LMTK2: variants seen among roughly 807,000 people sequenced by gnomAD.
LMTK2 encodes serine/threonine-protein kinase LMTK2.
In LMTK2, 37 loss-of-function variants were observed where a neutral mutation model predicts 127.5. The observed-to-expected ratio is 0.29, with a 90% CI of 0.22 to 0.38. The LOEUF (loss-of-function observed/expected upper bound fraction) is 0.38, where lower values mean the gene tolerates loss of function less well. LMTK2 is among the 10% of genes least tolerant of loss of function. The probability of loss-of-function intolerance (pLI) is 1.00; values close to 1 mark genes in which losing one functional copy is unlikely to be tolerated. For synonymous variants in LMTK2, 819 were observed against 810.1 expected (o/e 1.01, Z -0.19); for missense variants, 1,694 against 1,920.3 (o/e 0.88, Z 2.20).
Position 98,196,849 on chromosome 7 carries a change from C to T in LMTK2, c.4107+2277C>T, listed in dbSNP as rs187978523. On this transcript the variant is annotated intron_variant, in intron 11 of 13. Coordinates refer to ENST00000297293, the MANE Select transcript of LMTK2 (RefSeq NM_014916.4). Reference sequence around the variant, plus strand: ...AGGAAGTTAGTGTCAAGGAGAAAGTCGGAAGGTGGGTCAGGGCCAGAAGAA... The same window carrying T: ...AGGAAGTTAGTGTCAAGGAGAAAGTTGGAAGGTGGGTCAGGGCCAGAAGAA... Among the ~76,000 whole-genome samples the T allele has an allele frequency of 3.2e-3, 486 of 152,282 alleles. 6 individuals are homozygous for T. Among genetic ancestry groups the T allele is most frequent in the African/African-American group, 0.011 (452 of 41,554 alleles).
At chr7:98,122,591 C>T (rs1445977830) in intron 1 of LMTK2, among the ~76,000 whole-genome samples, 1 of 152,110 alleles carries the variant, frequency 6.6e-6, no homozygotes, top group Non-Finnish European at 1.5e-5. Flanking sequence ...TGCAGCATCC[C>T]TCACTTATGT....
chr7:98,151,968 A>G (rs1446747601), intron 4 of LMTK2, among the ~76,000 whole-genome samples: 1 of 152,184 alleles, frequency 6.6e-6, no homozygotes, highest in African/African-American at 2.4e-5. Context: ...CATTTCGATC[A>G]TAACAAAGGC....
At chr7:98,138,170 G>A (rs1050304895) in intron 2 of LMTK2, among the ~76,000 whole-genome samples, 1 of 152,110 alleles carries the variant, frequency 6.6e-6, no homozygotes, top group African/African-American at 2.4e-5. Flanking sequence ...AGGAATACAT[G>A]GGGGGGAGAA....
At chr7:98,176,962 C>G (rs1797287490) in intron 7 of LMTK2, among the ~76,000 whole-genome samples, 1 of 152,128 alleles carries the variant, frequency 6.6e-6, no homozygotes, top group African/African-American at 2.4e-5. Context: ...CAGGCACAGA[C>G]AGGTATACTG....
chr7:98,107,261 A>G lies in LMTK2; in HGVS notation c.84A>G (p.Pro28=), dbSNP rs749111298. The G allele has an allele frequency of 2.0e-5, 29 of 1,427,638 alleles. No individual in the cohort carries two copies. The South Asian group carries it at 2.8e-4, about 14-fold the overall frequency. The allele number at this position is 1,427,638 out of a possible 1,614,324, so 88.4% of individuals were successfully genotyped here. A position where few individuals can be genotyped will look rare whatever the true frequency, so the allele number is the denominator to read the frequency against. The part of the protein sequence containing the change: ...LLIAGSAGAA[P]LPQTGAGEAP... ...TCGCCGGCAGTGCTGGGGCCGCGCCACTTCCGCAAACAGGTGCAGGTGAGC... is the reference window on the plus strand; with the variant it reads ...TCGCCGGCAGTGCTGGGGCCGCGCCGCTTCCGCAAACAGGTGCAGGTGAGC... The change falls in exon 1 of 14, where the codon CCA becomes CCG. Residue 28 remains proline (P), a synonymous_variant. Coordinates refer to ENST00000297293, the MANE Select transcript of LMTK2 (RefSeq NM_014916.4).
rs191129991 is a variant in LMTK2 at position 98,171,537 on chromosome 7, G to T, written c.658-4G>T. 2 of 1,614,018 alleles carry T rather than the reference G, an allele frequency of 1.2e-6. No homozygotes were observed. Among genetic ancestry groups the T allele is most frequent in the African/African-American group, 2.7e-5 (2 of 75,066 alleles). On this transcript the variant is annotated splice_region_variant and splice_polypyrimidine_tract_variant and intron_variant, in intron 6 of 13. Transcript: ENST00000297293. The surrounding 1 kb of genome is among the most constrained non-coding windows in gnomAD (Gnocchi z 5.1). ...TGGAAACTCACACGGGCTGACTTTT[G>T]CAGGGTGACCTGAAGGCGTATCTGC...
chr7:98,180,250 C>A (rs1335027542), intron 7 of LMTK2, among the ~76,000 whole-genome samples: 2 of 152,188 alleles, frequency 1.3e-5, no homozygotes, highest in Admixed American at 6.5e-5. Context: ...AAATTAAAAT[C>A]TTTGAAAATA....
At chr7:98,128,068 C>G (rs938399284) in intron 1 of LMTK2, among the ~76,000 whole-genome samples, 2 of 152,072 alleles carry the variant, frequency 1.3e-5, no homozygotes, top group Non-Finnish European at 2.9e-5. Flanking sequence ...CGCTTGAACC[C>G]GGGAGGTGGA....
chr7:98,115,257 A>T (rs1473847704), intron 1 of LMTK2, among the ~76,000 whole-genome samples: 1 of 151,906 alleles, frequency 6.6e-6, no homozygotes, highest in Non-Finnish European at 1.5e-5. Flanking sequence ...TATACTAAAA[A>T]ACACAAAAAT....
chr7:98,120,466 A>T (rs1472479591), intron 1 of LMTK2, among the ~76,000 whole-genome samples: 2 of 152,234 alleles, frequency 1.3e-5, no homozygotes, highest in Non-Finnish European at 2.9e-5. Flanking sequence ...CATTTAAAAT[A>T]TCTGTTTTAA....
intron 3 of LMTK2, 114 bp from the exon 4 acceptor site, chr7:98,151,268 T>C: frequency 1.6e-6 from 1 of 621,748 alleles, no homozygotes. Context: ...GTGTTTTATG[T>C]ATTTATTCCT....
chr7:98,129,192 C>T (rs1351841026), intron 1 of LMTK2, among the ~76,000 whole-genome samples: 1 of 152,276 alleles, frequency 6.6e-6, no homozygotes, highest in East Asian at 1.9e-4. Flanking sequence ...TCAAGCCATC[C>T]TCCCACCTCA....
intron 3 of LMTK2, among the ~76,000 whole-genome samples, chr7:98,142,131 CT>C (rs1796708356): frequency 6.6e-6 from 1 of 151,724 alleles, no homozygotes; most frequent in South Asian, 2.1e-4. Context: ...AAAATAATAC[CT>C]TTTAAAAAAT....
At chr7:98,112,149 C>T (rs1205797638) in intron 1 of LMTK2, among the ~76,000 whole-genome samples, 1 of 152,196 alleles carries the variant, frequency 6.6e-6, no homozygotes, top group Non-Finnish European at 1.5e-5. Context: ...GATGCTTTCT[C>T]TTAGAAACCA....
intron 7 of LMTK2, among the ~76,000 whole-genome samples, chr7:98,175,593 G>A (rs773796710): frequency 1.3e-5 from 2 of 152,180 alleles, no homozygotes; most frequent in Non-Finnish European, 1.5e-5. Flanking sequence ...CTACCTAAAC[G>A]AAAACCAAAC....
chr7:98,194,316 C>T lies in LMTK2; in HGVS notation c.3851C>T (p.Ala1284Val), dbSNP rs1344129278. The T allele has an allele frequency of 6.2e-7, 1 of 1,614,146 alleles. No homozygotes were observed. The highest frequency in any genetic ancestry group is 2.2e-5 in the East Asian group (1 of 44,874). Residue 1284 changes from alanine to valine, a missense_variant, in exon 11 of 14, where the codon GCA (alanine) becomes GTA (valine). Ala to Val is a moderately conservative substitution (Grantham distance 64, BLOSUM62 0). Coordinates refer to ENST00000297293, the MANE Select transcript of LMTK2 (RefSeq NM_014916.4). This position sits in a 1 kb window ranked among gnomAD's most constrained non-coding sequence, Gnocchi z 5.4. ...MLDLSEDGMD[A>V]DEEDENSDDS... ...GACCTCTCAGAGGACGGGATGGATG[C>T]AGACGAGGAGGACGAAAACAGCGAC...
At chr7:98,152,843 A>T (rs1796877106) in intron 4 of LMTK2, among the ~76,000 whole-genome samples, 1 of 152,206 alleles carries the variant, frequency 6.6e-6, no homozygotes, top group Non-Finnish European at 1.5e-5. Context: ...AGGCTCCTGC[A>T]GGCCCAGGCA....
At chr7:98,155,200 C>T (rs1796910875) in intron 5 of LMTK2, among the ~76,000 whole-genome samples, 1 of 152,140 alleles carries the variant, frequency 6.6e-6, no homozygotes, top group Non-Finnish European at 1.5e-5. Context: ...AAAATAGTCT[C>T]AGCAGAGAAA....
At chr7:98,159,259 T>C in intron 5 of LMTK2, 79 bp from the exon 6 acceptor site, 1 of 850,858 alleles carries the variant, frequency 1.2e-6, no homozygotes, top group Non-Finnish European at 1.8e-6. Flanking sequence ...TTTGAATAAT[T>C]TTATTAGTAT....
Sources: gnomAD v4.1 joint callset for allele counts (sites outside exome capture counted in the v4.1 genomes callset) on GRCh38, gnomAD v4.1.1 for gene constraint, Gnocchi (gnomAD v3.1) non-coding constraint, MANE v1.5 for transcripts, NCBI Gene and HGNC (gene_info 2026-07-23, HGNC 2026-07-21) for gene names.